Variants in COL14A1 observed in about 807,000 individuals in gnomAD.
The protein encoded by COL14A1 is collagen alpha-1(XIV) chain.
COL14A1 carries 136 observed loss-of-function variants against 230.3 expected under a neutral mutation model. The observed-to-expected ratio is 0.59, with a 90% confidence interval of 0.51 to 0.68. The LOEUF is 0.68. COL14A1 is among the 30% of genes least tolerant of loss of function. The probability of loss-of-function intolerance (pLI) is 0.00; values close to 1 mark genes in which losing one functional copy is unlikely to be tolerated. For synonymous variants in COL14A1, 792 were observed against 784.1 expected, an observed-to-expected ratio of 1.01 and a Z score of -0.17; for missense variants, 1,976 against 2,215.8, an observed-to-expected ratio of 0.89 and a Z score of 2.17.
chr8:120,163,677 C>T (rs1457626043), intron 4 of COL14A1, among the ~76,000 whole-genome samples: 3 of 152,134 alleles, frequency 2.0e-5, no homozygotes, highest in African/African-American at 4.8e-5. Context: ...GCAGGAGAAT[C>T]GCTTGAACCC....
intron 40 of COL14A1, among the ~76,000 whole-genome samples, chr8:120,330,464 A>T (rs1821825264): frequency 6.6e-6 from 1 of 152,208 alleles, no homozygotes; most frequent in Admixed American, 6.5e-5. Flanking sequence ...GAGGAAAGTG[A>T]CATCTTAAAT....
At chr8:120,271,295 T>C (rs755651008) in intron 26 of COL14A1, among the ~76,000 whole-genome samples, 2 of 151,310 alleles carry the variant, frequency 1.3e-5, no homozygotes, top group Non-Finnish European at 3.0e-5. Context: ...ATCTGGATGA[T>C]AAAATAATCT....
Position 120,216,363 on chromosome 8 carries a change from C to A in COL14A1, c.1610C>A (p.Pro537Gln). The A allele has an allele frequency of 6.2e-7, 1 of 1,609,142 alleles. No homozygotes were observed. The highest frequency in any genetic ancestry group is 1.7e-5 in the Admixed American group (1 of 58,664). Residue 537 changes from proline (P) to glutamine (Q), a missense_variant, in exon 14 of 48, where the codon CCA (proline) becomes CAA (glutamine). Physicochemically the swap from Pro to Gln is moderately conservative, Grantham distance 76. This residue lies in a region of COL14A1 where 1,791 missense variants were observed against 2,019.5 expected (regional missense o/e 0.89). Transcript: ENST00000297848. ...ATTTACTGCCAAGTGGCTTTAAGTC[C>A]ACCAAGAAACCTGAGAATCTCCAAT... The part of the protein sequence containing the change: ...TGQETTLALS[P>Q]PRNLRISNVG...
intron 40 of COL14A1, among the ~76,000 whole-genome samples, chr8:120,319,531 T>C (rs1821361908): frequency 6.6e-6 from 1 of 152,108 alleles, no homozygotes; most frequent in Non-Finnish European, 1.5e-5. Context: ...CCAGGTGCCA[T>C]CACCTTGACT....
rs756641610 is a variant in COL14A1 at position 120,280,041 on chromosome 8, C to T, written c.3588C>T (p.Asp1196=). 2.8e-5 allele frequency: 45 copies of T among 1,613,714 alleles called. No homozygotes were observed. The highest frequency in any genetic ancestry group is 1.6e-4 in the South Asian group (15 of 91,072). ...ARHVFFVDDF[D]AFKKIEDELI... ...ATGTCTTCTTTGTGGATGACTTTGA[C>T]GCCTTTAAGAAAATCGAAGATGAGT... The change falls in exon 29 of 48, where the codon GAC becomes GAT. Residue 1196 remains aspartate (D), a synonymous_variant. Coordinates refer to ENST00000297848, the MANE Select transcript of COL14A1 (RefSeq NM_021110.4).
At position 120,266,852 on chromosome 8, in the gene COL14A1, T is replaced by G. The variant is rs941831018; in HGVS notation, c.3042T>G (p.Thr1014=). The part of the protein sequence containing the change: ...KTQSLPTRPP[T]FPPTIPPAKE... The stretch of plus-strand genomic sequence containing the variant: ...AATCACTTCCTACACGACCACCAAC[T>G]TTTCCTCCAACCATTCCACCAGCAA... The change falls in exon 25 of 48, where the codon ACT becomes ACG. Residue 1014 remains threonine (T), a synonymous_variant. Coordinates refer to ENST00000297848, the MANE Select transcript of COL14A1 (RefSeq NM_021110.4). 2 of 1,612,104 alleles carry G rather than the reference T, an allele frequency of 1.2e-6. No homozygotes were observed. Among genetic ancestry groups the G allele is most frequent in the Non-Finnish European group, 1.7e-6 (2 of 1,178,590 alleles).
chr8:120,162,160 A>C (rs972455074), intron 3 of COL14A1, among the ~76,000 whole-genome samples: 1 of 152,234 alleles, frequency 6.6e-6, no homozygotes, highest in Non-Finnish European at 1.5e-5. Context: ...GGGTACAGCT[A>C]AAAAGGAAGA....
At chr8:120,206,910 A>T in intron 9 of COL14A1, 33 bp from the exon 10 acceptor site, 1 of 1,562,310 alleles carries the variant, frequency 6.4e-7, no homozygotes. Context: ...AACTTTGGGT[A>T]AGAGGTTTAT....
intron 36 of COL14A1, among the ~76,000 whole-genome samples, chr8:120,304,381 G>C (rs1820799886): frequency 6.6e-6 from 1 of 152,042 alleles, no homozygotes; most frequent in Admixed American, 6.6e-5. Flanking sequence ...TGCGTGTTTA[G>C]TGCTATGAAT....
At chr8:120,149,995 C>T (rs898084012) in intron 2 of COL14A1, among the ~76,000 whole-genome samples, 1 of 152,004 alleles carries the variant, frequency 6.6e-6, no homozygotes, top group African/African-American at 2.4e-5. Flanking sequence ...TGCCCAGCCA[C>T]CAAATTCTGT....
chr8:120,291,869 A>G (rs1387508072), intron 34 of COL14A1, among the ~76,000 whole-genome samples: 1 of 152,106 alleles, frequency 6.6e-6, no homozygotes, highest in African/African-American at 2.4e-5. Context: ...TAACCAGATT[A>G]TAAATGCCTC....
At chr8:120,233,863 T>C (rs1369666363) in intron 19 of COL14A1, among the ~76,000 whole-genome samples, 1 of 152,214 alleles carries the variant, frequency 6.6e-6, no homozygotes, top group East Asian at 1.9e-4. Context: ...AAAAAGTCAA[T>C]GGTAGCTTGA....
chr8:120,369,414 C>T lies in COL14A1; in HGVS notation c.5240C>T (p.Pro1747Leu), dbSNP rs377062862. 2 of 1,610,926 alleles carry T rather than the reference C, an allele frequency of 1.2e-6. No individual in the cohort carries two copies. Among genetic ancestry groups the T allele is most frequent in the African/African-American group, 2.7e-5 (2 of 74,976 alleles). ...GGCCCACCAGGTCATCTGGGGGTTC[C>T]TGGACCCCAAGGTCCTTCTGGCCAG... is the stretch of plus-strand genomic sequence containing the variant. ...PRGPPGHLGV[P>L]GPQGPSGQPG... The change falls in exon 47 of 48, where the codon CCT becomes CTT. Residue 1747 changes from proline (P) to leucine (L), a missense_variant. Around this residue, in one of 3 missense-constraint regions of COL14A1, gnomAD observed 1,791 missense variants for 2,019.5 expected, o/e 0.89. Transcript: ENST00000297848.
intron 36 of COL14A1, among the ~76,000 whole-genome samples, chr8:120,303,324 A>G (rs112955491): frequency 0.022 from 3,390 of 152,192 alleles, 54 homozygotes; most frequent in Middle Eastern, 0.037. Context: ...CTGGTTTTCA[A>G]TAGGAAATGC....
chr8:120,246,653 C>T (rs918275425), intron 20 of COL14A1, among the ~76,000 whole-genome samples: 4 of 152,036 alleles, frequency 2.6e-5, no homozygotes, highest in Non-Finnish European at 5.9e-5. Flanking sequence ...AATGCCATTA[C>T]GTCTTAAAAA....
At chr8:120,151,996 A>G (rs1815298431) in intron 2 of COL14A1, among the ~76,000 whole-genome samples, 1 of 152,106 alleles carries the variant, frequency 6.6e-6, no homozygotes, top group Admixed American at 6.5e-5. Flanking sequence ...AGGCAAGACA[A>G]TGATTGATTC....
rs975469199 is a variant in COL14A1 at position 120,239,833 on chromosome 8, T to G, written c.2350-4046T>G. Among the ~76,000 whole-genome samples, 37 of 95,370 alleles carry G rather than the reference T, an allele frequency of 3.9e-4. 1 individual carries two copies. Among genetic ancestry groups the G allele is most frequent in the African/African-American group, 9.3e-4 (16 of 17,170 alleles). The allele number at this position is 95,370 out of a possible 152,430, so 62.6% of individuals were successfully genotyped here. A position where few individuals can be genotyped will look rare whatever the true frequency, so the allele number is the denominator to read the frequency against. On this transcript the variant is annotated intron_variant, in intron 19 of 47. Coordinates refer to ENST00000297848, the MANE Select transcript of COL14A1 (RefSeq NM_021110.4). ...TGTTTTGTTTTGTTTCTGTTTTTTGTTTTTTTTTTGTTTGTTTGCTTTTTG... is the reference window on the plus strand; with the variant it reads ...TGTTTTGTTTTGTTTCTGTTTTTTGGTTTTTTTTTGTTTGTTTGCTTTTTG...
intron 34 of COL14A1, among the ~76,000 whole-genome samples, chr8:120,293,423 T>C (rs1329684497): frequency 7.9e-5 from 12 of 151,970 alleles, no homozygotes; most frequent in Non-Finnish European, 7.4e-5. Context: ...ATTATAATGA[T>C]AGCTAATAGT....
intron 26 of COL14A1, 150 bp downstream of exon 26, chr8:120,270,324 G>A: frequency 1.2e-6 from 1 of 831,896 alleles, no homozygotes; most frequent in Non-Finnish European, 1.7e-6. Context: ...GTGTTTGGAA[G>A]CAGCTTGTTG....
Sources: allele counts gnomAD v4.1 joint callset (sites outside exome capture counted in the v4.1 genomes callset), GRCh38; gene constraint gnomAD v4.1.1; regional missense constraint gnomAD v4.1.1; transcripts MANE v1.5; gene names NCBI Gene and HGNC (gene_info 2026-07-23, HGNC 2026-07-21).